HTT: variants seen among roughly 807,000 people sequenced by gnomAD.
HTT encodes the protein huntington disease protein.
Under a neutral mutation model 362.3 loss-of-function variants are expected in HTT, and 104 were observed. The ratio of observed to expected loss-of-function variants is 0.29; its 90% CI spans 0.24 to 0.34. The LOEUF is 0.34. Ranked by LOEUF, HTT falls within the 10% of genes least tolerant of loss-of-function variation. HTT has a pLI of 1.00. For missense variants in HTT, 3,301 were observed against 3,928.6 expected (o/e 0.84, Z 4.27); for synonymous variants, 1,577 against 1,548.7 (o/e 1.02, Z -0.43).
At chr4:3,084,405 C>T (rs975612039) in intron 1 of HTT, among the ~76,000 whole-genome samples, 7 of 152,012 alleles carry the variant, frequency 4.6e-5, no homozygotes, top group African/African-American at 1.7e-4. Context: ...ACATCAAGAT[C>T]AGGTCGGACG....
intron 22 of HTT, among the ~76,000 whole-genome samples, chr4:3,142,145 A>G (rs1716378740): frequency 1.3e-5 from 2 of 152,300 alleles, no homozygotes; most frequent in South Asian, 2.1e-4. Flanking sequence ...ACAATGACCA[A>G]TTGTGCAGCA....
intron 11 of HTT, 70 bp downstream of exon 11, chr4:3,125,699 C>T (rs940514950): frequency 9.7e-6 from 11 of 1,128,550 alleles, no homozygotes; most frequent in African/African-American, 3.1e-5. Flanking sequence ...CCTTCCTGCT[C>T]GTCCCCCTGC....
At chr4:3,142,725 T>C in intron 22 of HTT, 41 bp from the exon 23 acceptor site, 1 of 1,099,946 alleles carries the variant, frequency 9.1e-7, no homozygotes, top group South Asian at 1.4e-5. Context: ...AAAATATATG[T>C]TTTAATAGTG....
At chr4:3,113,052 G>A in intron 6 of HTT, 3 of 969,606 alleles carry the variant, frequency 3.1e-6, no homozygotes, top group Non-Finnish European at 2.5e-6. Context: ...TACTCTTACA[G>A]GTATGTTGTG....
At chr4:3,087,146 A>G in intron 2 of HTT, 124 bp downstream of exon 2, 1 of 556,946 alleles carries the variant, frequency 1.8e-6, no homozygotes, top group South Asian at 3.0e-5. Context: ...TAAGATGAAG[A>G]AGGACCCTTT....
intron 26 of HTT, among the ~76,000 whole-genome samples, chr4:3,152,538 C>G (rs773057758): frequency 6.6e-6 from 1 of 152,102 alleles, no homozygotes; most frequent in Non-Finnish European, 1.5e-5. Context: ...TACTCTTTAC[C>G]CAAAACCTCC....
rs1321760116 is a variant in HTT, at chr4:3,154,340, A to G, written c.3546A>G (p.Arg1182=). 3 of 1,612,232 alleles carry G rather than the reference A, an allele frequency of 1.9e-6. No homozygotes were observed. The highest frequency in any genetic ancestry group is 2.5e-6 in the Non-Finnish European group (3 of 1,179,168). ...ACCCCCCTTCTCTAAGTCCCATCCG[A>G]CGAAAGGGGAAGGAGAAAGAACCAG... ...LTNPPSLSPI[R]RKGKEKEPGE... The change falls in exon 27 of 67, where the codon CGA becomes CGG. Residue 1182 remains arginine, a synonymous_variant. Transcript: ENST00000355072.
rs573096755 is a variant in HTT, at chr4:3,120,965, T to C, written c.1069-263T>C. On this transcript the variant is annotated intron_variant, in intron 8 of 66. Transcript: ENST00000355072. ...TTTCCTAGTCACCAGTTTTGGGAAATAGAGATCTTCATTCTCATGCTGCTC... is the reference window on the plus strand; with the variant it reads ...TTTCCTAGTCACCAGTTTTGGGAAACAGAGATCTTCATTCTCATGCTGCTC... Among the ~76,000 whole-genome samples, 3 of 152,278 alleles carry C rather than the reference T, an allele frequency of 2.0e-5. No homozygotes were observed. The East Asian group carries it at 5.8e-4, about 29-fold the overall frequency.
At chr4:3,169,558 G>A (rs1256837702) in intron 29 of HTT, among the ~76,000 whole-genome samples, 1 of 151,478 alleles carries the variant, frequency 6.6e-6, no homozygotes, top group East Asian at 1.9e-4. Context: ...TTAATCTGTT[G>A]TTAATCCTGT....
chr4:3,138,898 C>A (rs991689480), intron 21 of HTT, among the ~76,000 whole-genome samples: 2 of 152,192 alleles, frequency 1.3e-5, no homozygotes, highest in African/African-American at 4.8e-5. Context: ...CAGGCGTGAG[C>A]TACCACACCC....
rs4038027 is a variant in HTT, at chr4:3,079,247, C to CTTTT, written c.263+4175_263+4178dup. Among the ~76,000 whole-genome samples the CTTTT allele has an allele frequency of 3.5e-5, 4 of 114,100 alleles. 1 individual carries two copies. Among genetic ancestry groups the CTTTT allele is most frequent in the African/African-American group, 6.7e-5 (2 of 29,746 alleles). 74.9% of individuals were successfully genotyped at this position (114,100 alleles called of 152,430 possible). The stretch of plus-strand genomic sequence containing the variant: ...CAGGGAAGGTCCACTGAGAAGACAG[C>CTTTT]TTTTTTTTTTTTTTTTTTTGGGGTT... On this transcript the variant is annotated intron_variant, in intron 1 of 66. Transcript: ENST00000355072.
intron 3 of HTT, among the ~76,000 whole-genome samples, chr4:3,103,552 C>T (rs1269362853): frequency 6.6e-6 from 1 of 152,032 alleles, no homozygotes. Flanking sequence ...GAACCATCTA[C>T]CATTTTAATT....
rs11408847 is a variant in HTT at position 3,171,472 on chromosome 4, CT to C, written c.3865-832del. 6.7e-3 allele frequency among the ~76,000 whole-genome samples: 884 copies of C among 132,890 alleles called. 3 individuals are homozygous for C. The highest frequency in any genetic ancestry group is 9.4e-3 in the Non-Finnish European group (572 of 61,160). The allele number at this position is 132,890 out of a possible 152,430, so 87.2% of individuals were successfully genotyped here. A position where few individuals can be genotyped will look rare whatever the true frequency, so the allele number is the denominator to read the frequency against. On this transcript the variant is annotated intron_variant, in intron 29 of 66. Coordinates refer to ENST00000355072, the MANE Select transcript of HTT (RefSeq NM_001388492.1). Reference sequence around the variant, plus strand: ...GTTAGCATCTTCTTCTTTCTTGATTCTTTTTTTTTTTTTTTTGAGATGGACT... The same window carrying C: ...GTTAGCATCTTCTTCTTTCTTGATTCTTTTTTTTTTTTTTTGAGATGGACT...
intron 21 of HTT, among the ~76,000 whole-genome samples, chr4:3,136,885 C>T (rs1198087412): frequency 6.6e-6 from 1 of 151,058 alleles, no homozygotes; most frequent in African/African-American, 2.4e-5. Context: ...TCTGAGAATT[C>T]CTGGAAGTTG....
At chr4:3,168,057 A>G (rs927652741) in intron 29 of HTT, among the ~76,000 whole-genome samples, 2 of 152,220 alleles carry the variant, frequency 1.3e-5, no homozygotes, top group Admixed American at 6.5e-5. Context: ...TGTAGGGTAG[A>G]AGCTTTCACA....
At chr4:3,212,413 C>T (rs995568836) in intron 48 of HTT, 151 bp from the exon 49 acceptor site, 29 of 1,047,310 alleles carry the variant, frequency 2.8e-5, no homozygotes, top group Middle Eastern at 4.2e-4. Flanking sequence ...CCCCAAACCA[C>T]GTGCAGTCCT....
At position 3,212,331 on chromosome 4, in the gene HTT, C is replaced by T. The variant is rs536290008; in HGVS notation, c.6628+189C>T. Among the ~76,000 whole-genome samples, 6 of 152,338 alleles carry T rather than the reference C, an allele frequency of 3.9e-5. No homozygotes were observed. The South Asian group carries it at 1.2e-3, about 32-fold the overall frequency. ...CCTGTGTGTTTGCCACTTTGCCATT[C>T]ATTGACATGGTCATGGACATAGGGC... On this transcript the variant is annotated intron_variant, in intron 48 of 66. Coordinates refer to ENST00000355072, the MANE Select transcript of HTT (RefSeq NM_001388492.1).
At chr4:3,174,830 C>T (rs1249580149) in intron 32 of HTT, 31 bp downstream of exon 32, 2 of 1,602,754 alleles carry the variant, frequency 1.2e-6, no homozygotes, top group Non-Finnish European at 1.7e-6. Context: ...CATGTGAACT[C>T]AGGCGTGTCA....
chr4:3,203,004 C>T (rs1279362483), intron 41 of HTT: 2 of 152,198 alleles, frequency 1.3e-5, no homozygotes, highest in African/African-American at 2.4e-5. Flanking sequence ...GACGTTGTCT[C>T]TGGGGAAAAA....
Sources: gnomAD v4.1 joint callset for allele counts (sites outside exome capture counted in the v4.1 genomes callset) on GRCh38, gnomAD v4.1.1 for gene constraint, MANE v1.5 for transcripts, NCBI Gene and HGNC (gene_info 2026-07-23, HGNC 2026-07-21) for gene names.